The following NDEL1 variants were observed in gnomAD, a reference collection of about 807,000 sequenced individuals.
The protein encoded by NDEL1 is nudE neurodevelopment protein 1 like 1.
NDEL1 carries 9 observed loss-of-function variants against 45.7 expected under a neutral mutation model. The observed-to-expected ratio is 0.20, with a 90% confidence interval of 0.12 to 0.34. NDEL1 has a LOEUF of 0.34. NDEL1 is among the 10% of genes least tolerant of loss of function. NDEL1 has a pLI of 1.00. For synonymous variants in NDEL1, 133 were observed against 158.6 expected (o/e 0.84, Z 1.21); for missense variants, 306 against 406.2 (o/e 0.75, Z 2.12).
intron 1 of NDEL1, among the ~76,000 whole-genome samples, chr17:8,424,930 G>T (rs928072779): frequency 1.9e-4 from 29 of 152,132 alleles, no homozygotes; most frequent in Non-Finnish European, 4.0e-4. Context: ...TGCTGCCACG[G>T]TGCTGGGATT....
At chr17:8,452,477 C>T (rs1448394055) in intron 6 of NDEL1, among the ~76,000 whole-genome samples, 1 of 152,026 alleles carries the variant, frequency 6.6e-6, no homozygotes, top group Admixed American at 6.6e-5. Context: ...TGTTTTTAGG[C>T]TGGAACCAAT....
chr17:8,425,243 T>C (rs1381071240), intron 1 of NDEL1, among the ~76,000 whole-genome samples: 1 of 152,254 alleles, frequency 6.6e-6, no homozygotes, highest in Non-Finnish European at 1.5e-5. Flanking sequence ...TTGCTTCTTA[T>C]TGCTTGTTTC....
At chr17:8,462,554 AT>A (rs764250558) in intron 8 of NDEL1, among the ~76,000 whole-genome samples, 2 of 152,210 alleles carry the variant, frequency 1.3e-5, no homozygotes, top group Non-Finnish European at 2.9e-5. Context: ...AGGGCAGGAT[AT>A]TCCACTTCCC....
chr17:8,468,132 G>T lies in NDEL1; in HGVS notation c.*1109G>T, dbSNP rs1911729930. ...CTTCCCTCAAAAAAATTCTTTTAATGTGGAAACAATAAATTTCACAGAAAA... is the reference window on the plus strand; with the variant it reads ...CTTCCCTCAAAAAAATTCTTTTAATTTGGAAACAATAAATTTCACAGAAAA... On this transcript the variant is annotated 3_prime_UTR_variant, in exon 9 of 9. Transcript: ENST00000334527. 1 of 152,468 alleles carries T rather than the reference G, an allele frequency of 6.6e-6. No individual in the cohort carries two copies. Among genetic ancestry groups the T allele is most frequent in the Admixed American group, 6.5e-5 (1 of 15,268 alleles). 9.4% of individuals were successfully genotyped at this position (152,468 alleles called of 1,614,324 possible).
downstream of NDEL1, among the ~76,000 whole-genome samples, chr17:8,472,389 C>T (rs1049520331): frequency 6.6e-6 from 1 of 152,200 alleles, no homozygotes; most frequent in Non-Finnish European, 1.5e-5. Context: ...CATGGTGGCT[C>T]ACACCTGTAA....
At chr17:8,451,701 C>T (rs1910514823) in intron 6 of NDEL1, among the ~76,000 whole-genome samples, 1 of 152,138 alleles carries the variant, frequency 6.6e-6, no homozygotes, top group African/African-American at 2.4e-5. Context: ...AAAATGGAAT[C>T]TTAAAGCTCT....
downstream of NDEL1, among the ~76,000 whole-genome samples, chr17:8,472,060 TC>T (rs1911848179): frequency 6.6e-6 from 1 of 152,170 alleles, no homozygotes; most frequent in Non-Finnish European, 1.5e-5. Context: ...CTGGCTTTTT[TC>T]TTTTTTTGGG....
chr17:8,460,114 G>A lies in NDEL1; in HGVS notation c.898G>A (p.Gly300Ser), dbSNP rs751774621. ...NVNCGVLNGN[G>S]TKFSRSGHTS... Reference sequence around the variant, plus strand: ...TAACTGTGGGGTGCTGAATGGCAATGGCACAAAGTTCTCTCGATCAGGGCA... The same window carrying A: ...TAACTGTGGGGTGCTGAATGGCAATAGCACAAAGTTCTCTCGATCAGGGCA... Residue 300 changes from glycine (G) to serine (S), a missense_variant, in exon 8 of 9, where the codon GGC becomes AGC. Gly to Ser is a moderately conservative substitution (Grantham distance 56). Coordinates refer to ENST00000334527, the MANE Select transcript of NDEL1 (RefSeq NM_030808.5). 1.2e-6 allele frequency: 2 copies of A among 1,614,128 alleles called. No homozygotes were observed. The highest frequency in any genetic ancestry group is 1.7e-6 in the Non-Finnish European group (2 of 1,180,024).
intron 7 of NDEL1, among the ~76,000 whole-genome samples, 179 bp downstream of exon 7, chr17:8,455,066 A>C (rs1165910814): frequency 6.6e-6 from 1 of 152,242 alleles, no homozygotes; most frequent in East Asian, 1.9e-4. Flanking sequence ...ATGCCCCTGC[A>C]GAAGAGCCTG....
chr17:8,438,861 GC>G (rs1365406004), intron 1 of NDEL1, among the ~76,000 whole-genome samples: 13 of 151,846 alleles, frequency 8.6e-5, no homozygotes, highest in Admixed American at 7.9e-4. Context: ...TAAAAGTAGG[GC>G]AATAGAGCTG....
At chr17:8,474,029 C>A (rs555194398) in intron 3 of NDEL1, among the ~76,000 whole-genome samples, 1 of 152,336 alleles carries the variant, frequency 6.6e-6, no homozygotes, top group African/African-American at 2.4e-5. Flanking sequence ...CTGTGAGGCA[C>A]TGGCAGGAAC....
intron 1 of NDEL1, chr17:8,436,629 G>C (rs1489978597): frequency 6.6e-6 from 1 of 152,256 alleles, no homozygotes; most frequent in South Asian, 2.1e-4. Flanking sequence ...ACGGGCTCGG[G>C]TTACTTGTGC....
chr17:8,452,738 C>CTTTTTTTTTTTTTTTT (rs1201336862), intron 6 of NDEL1, among the ~76,000 whole-genome samples: 1 of 50,452 alleles, frequency 2.0e-5, no homozygotes, highest in African/African-American at 6.2e-5. Flanking sequence ...TCTTTTTCTT[C>CTTTTTTTTTTTTTTTT]TCTTTTTTTT....
intron 7 of NDEL1, among the ~76,000 whole-genome samples, chr17:8,457,449 C>T (rs1203730883): frequency 1.3e-5 from 2 of 152,166 alleles, no homozygotes; most frequent in Non-Finnish European, 2.9e-5. Flanking sequence ...GCTGACAATC[C>T]GTCTTCTAAG....
At chr17:8,452,665 GTTTCTCTTTCTTTCTTTC>G (rs1402539232) in intron 6 of NDEL1, among the ~76,000 whole-genome samples, 1 of 142,898 alleles carries the variant, frequency 7.0e-6, no homozygotes. Flanking sequence ...TACAATGTTT[GTTTCTCTTTCTTTCTTTC>G]TTTCTCTTTC....
Position 8,460,211 on chromosome 17 carries a change from GT to G in NDEL1, c.944+53del, listed in dbSNP as rs766388653. 4.8e-4 allele frequency: 746 copies of G among 1,561,744 alleles called. 1 individual carries two copies. The highest frequency in any genetic ancestry group is 6.1e-4 in the Non-Finnish European group (706 of 1,150,676). The stretch of plus-strand genomic sequence containing the variant: ...AATTTTTTGAGTAGTAAAGTGACAG[GT>G]TAGTAAGTGAGCATAATGAAGCCTT... On this transcript the variant is annotated intron_variant, in intron 8 of 8. Coordinates refer to ENST00000334527, the MANE Select transcript of NDEL1 (RefSeq NM_030808.5).
rs1911684871 is a variant in NDEL1, at chr17:8,467,556, A to G, written c.*533A>G. On this transcript the variant is annotated 3_prime_UTR_variant, in exon 9 of 9. Coordinates refer to ENST00000334527, the MANE Select transcript of NDEL1 (RefSeq NM_030808.5). This position sits in a 1 kb window ranked among gnomAD's most constrained non-coding sequence, Gnocchi z 6.3. ...CAGGAAGGTTACTGAATTAGGGAAC[A>G]TTTTCTGCACCTTCTGATTTTACTT... The G allele has an allele frequency of 4.2e-6, 1 of 239,336 alleles. No individual in the cohort carries two copies. Among genetic ancestry groups the G allele is most frequent in the African/African-American group, 2.2e-5 (1 of 44,620 alleles). 14.8% of individuals were successfully genotyped at this position (239,336 alleles called of 1,614,324 possible).
chr17:8,417,659 C>T (rs1489688515), intron 1 of NDEL1, among the ~76,000 whole-genome samples: 1 of 152,132 alleles, frequency 6.6e-6, no homozygotes, highest in African/African-American at 2.4e-5. Context: ...CTCCAATCTC[C>T]TGCCTGGAGG....
chr17:8,428,841 T>G (rs1436569796), intron 1 of NDEL1, among the ~76,000 whole-genome samples: 2 of 151,342 alleles, frequency 1.3e-5, no homozygotes, highest in South Asian at 2.1e-4. Flanking sequence ...GCCCGGCTAA[T>G]TTTTTGTATT....
Sources: gnomAD v4.1 joint callset for allele counts (sites outside exome capture counted in the v4.1 genomes callset) on GRCh38, gnomAD v4.1.1 for gene constraint, Gnocchi (gnomAD v3.1) non-coding constraint, MANE v1.5 for transcripts, NCBI Gene and HGNC (gene_info 2026-07-23, HGNC 2026-07-21) for gene names.